The following MYT1L variants were observed in gnomAD, a reference collection of about 807,000 sequenced individuals.
MYT1L encodes myelin transcription factor 1 like.
In MYT1L, 12 loss-of-function variants were observed where a neutral mutation model predicts 126.7. That is an observed-to-expected ratio of 0.09 (90% CI 0.06 to 0.15). The LOEUF (loss-of-function observed/expected upper bound fraction) is 0.15. MYT1L is among the 10% of genes least tolerant of loss of function. MYT1L has a pLI of 1.00. For missense variants in MYT1L, 979 were observed against 1,585.2 expected, an observed-to-expected ratio of 0.62 and a Z score of 6.49; for synonymous variants, 541 against 604.2, an observed-to-expected ratio of 0.90 and a Z score of 1.53.
intron 2 of MYT1L, among the ~76,000 whole-genome samples, chr2:2,240,136 A>G (rs1427541733): frequency 6.6e-6 from 1 of 152,030 alleles, no homozygotes; most frequent in Non-Finnish European, 1.5e-5. Context: ...CATCTCTACT[A>G]AAAACATAAA....
At chr2:2,103,785 T>A (rs1263554304) in intron 3 of MYT1L, among the ~76,000 whole-genome samples, 1 of 152,176 alleles carries the variant, frequency 6.6e-6, no homozygotes, top group Non-Finnish European at 1.5e-5. Flanking sequence ...AACAGCAAGA[T>A]CTCACGGTGA....
intron 1 of MYT1L, among the ~76,000 whole-genome samples, chr2:2,303,219 A>G (rs565679896): frequency 1.3e-5 from 2 of 152,352 alleles, no homozygotes; most frequent in South Asian, 4.1e-4. Context: ...TCCAGTATCA[A>G]AAGACTTGTT....
chr2:1,823,072 T>C (rs2038783445), intron 21 of MYT1L, among the ~76,000 whole-genome samples: 1 of 152,208 alleles, frequency 6.6e-6, no homozygotes, highest in African/African-American at 2.4e-5. Context: ...TTTTAACATG[T>C]GAACCATAAC....
chr2:2,291,443 T>C (rs2095598211), intron 1 of MYT1L, among the ~76,000 whole-genome samples: 1 of 152,074 alleles, frequency 6.6e-6, no homozygotes, highest in Non-Finnish European at 1.5e-5. Context: ...CATTTACTCC[T>C]CGCGGAAATG....
intron 8 of MYT1L, among the ~76,000 whole-genome samples, chr2:1,947,497 A>G (rs2057344934): frequency 6.6e-6 from 1 of 152,184 alleles, no homozygotes; most frequent in Non-Finnish European, 1.5e-5. Context: ...TGGGTGTCTG[A>G]GTCCCAACCT....
At chr2:2,162,059 G>T (rs1559187679) in intron 3 of MYT1L, among the ~76,000 whole-genome samples, 1 of 152,250 alleles carries the variant, frequency 6.6e-6, no homozygotes, top group African/African-American at 2.4e-5. Flanking sequence ...CAGTGTTTCC[G>T]GCCAGAAGTC....
chr2:1,946,504 C>A (rs746589429), intron 8 of MYT1L, among the ~76,000 whole-genome samples: 2 of 152,000 alleles, frequency 1.3e-5, no homozygotes, highest in Non-Finnish European at 2.9e-5. Context: ...CACCTTGCTG[C>A]GTGACTCAGG....
intron 8 of MYT1L, among the ~76,000 whole-genome samples, chr2:1,959,153 A>C (rs1474472996): frequency 2.0e-5 from 3 of 152,164 alleles, no homozygotes; most frequent in African/African-American, 7.2e-5. Flanking sequence ...AAAAAAACAA[A>C]ATGAAACCTG....
intron 3 of MYT1L, among the ~76,000 whole-genome samples, chr2:2,125,693 G>A (rs532274144): frequency 1.2e-3 from 181 of 152,236 alleles, no homozygotes; most frequent in African/African-American, 4.1e-3. Context: ...ATCATTATGA[G>A]TATAGTGCAA....
chr2:2,110,552 GTCCCTCCCTCCC>G (rs71402135), intron 3 of MYT1L, among the ~76,000 whole-genome samples: 1 of 148,798 alleles, frequency 6.7e-6, no homozygotes, highest in African/African-American at 2.5e-5. Context: ...CTCTGTCCCT[GTCCCTCCCTCCC>G]TCCCTCCCTC....
intron 3 of MYT1L, among the ~76,000 whole-genome samples, chr2:2,120,287 C>A (rs1273640069): frequency 1.3e-5 from 2 of 152,100 alleles, no homozygotes; most frequent in Non-Finnish European, 2.9e-5. Context: ...AAATCACAAG[C>A]CAGCCATGTA....
chr2:2,052,471 T>C (rs2068945623), intron 4 of MYT1L, among the ~76,000 whole-genome samples: 1 of 152,176 alleles, frequency 6.6e-6, no homozygotes, highest in South Asian at 2.1e-4. Context: ...TGTTTGTGTG[T>C]CAAGGGACAC....
At chr2:2,194,980 G>C (rs10495483) in intron 2 of MYT1L, among the ~76,000 whole-genome samples, 26,373 of 152,190 alleles carry the variant, frequency 0.17, 2,464 homozygotes, top group African/African-American at 0.26. Context: ...AGAGAAAGAA[G>C]TGGCTCTGCT....
At chr2:1,900,919 A>G (rs972302203) in intron 14 of MYT1L, among the ~76,000 whole-genome samples, 1 of 152,120 alleles carries the variant, frequency 6.6e-6, no homozygotes, top group Non-Finnish European at 1.5e-5. Context: ...GCGATGATCA[A>G]TGCCAGTAAC....
chr2:2,033,199 G>A (rs1409577754), intron 4 of MYT1L, among the ~76,000 whole-genome samples: 1 of 141,480 alleles, frequency 7.1e-6, no homozygotes, highest in Admixed American at 7.2e-5. Context: ...CACACCCCTT[G>A]CCAGTGCCTC....
At chr2:1,831,673 C>G (rs774068258) in intron 21 of MYT1L, among the ~76,000 whole-genome samples, 1 of 152,182 alleles carries the variant, frequency 6.6e-6, no homozygotes, top group Non-Finnish European at 1.5e-5. Flanking sequence ...TCCGCCACAC[C>G]GGCCTCTCGC....
chr2:2,039,240 T>G (rs1190404819), intron 4 of MYT1L, among the ~76,000 whole-genome samples: 2 of 152,118 alleles, frequency 1.3e-5, no homozygotes, highest in Non-Finnish European at 2.9e-5. Context: ...GACTATTTTA[T>G]AAACATTCTA....
At chr2:2,115,711 G>T (rs1285483453) in intron 3 of MYT1L, among the ~76,000 whole-genome samples, 1 of 152,248 alleles carries the variant, frequency 6.6e-6, no homozygotes, top group Non-Finnish European at 1.5e-5. Context: ...TCTAGACTAG[G>T]AGGGCGCTGC....
chr2:1,950,746 C>T (rs2057673629), intron 8 of MYT1L, among the ~76,000 whole-genome samples: 1 of 152,118 alleles, frequency 6.6e-6, no homozygotes, highest in Non-Finnish European at 1.5e-5. Flanking sequence ...CAGGGCCTCC[C>T]AGGTGCTGTT....
Sources: gnomAD v4.1 joint callset for allele counts (sites outside exome capture counted in the v4.1 genomes callset) on GRCh38, gnomAD v4.1.1 for gene constraint, MANE v1.5 for transcripts, NCBI Gene and HGNC (gene_info 2026-07-23, HGNC 2026-07-21) for gene names.